The following TTC28 variants were observed in gnomAD, a reference collection of about 807,000 sequenced individuals.
TTC28 encodes tetratricopeptide repeat domain 28, also known as tetratricopeptide repeat protein 28.
TTC28 carries 61 observed loss-of-function variants against 198.0 expected under a neutral mutation model. The observed-to-expected ratio is 0.31, with a 90% CI of 0.25 to 0.38. TTC28 has a LOEUF of 0.38. Ranked by LOEUF, TTC28 falls within the 10% of genes least tolerant of loss-of-function variation. TTC28 has a pLI of 1.00. For missense variants in TTC28, 2,678 were observed against 3,164.0 expected (o/e 0.85, Z 3.69); for synonymous variants, 1,171 against 1,297.8 (o/e 0.90, Z 2.10).
intron 1 of TTC28, among the ~76,000 whole-genome samples, chr22:28,654,685 C>T (rs2051616522): frequency 6.6e-6 from 1 of 152,154 alleles, no homozygotes; most frequent in East Asian, 1.9e-4. Context: ...TGTGAAGTGT[C>T]ATCTTACATC....
intron 2 of TTC28, among the ~76,000 whole-genome samples, chr22:28,420,205 T>C (rs2047226959): frequency 6.6e-6 from 1 of 152,168 alleles, no homozygotes; most frequent in Admixed American, 6.5e-5. Flanking sequence ...TCTTGAGTAA[T>C]AAACACGCCT....
chr22:28,507,337 A>G (rs890332658), intron 2 of TTC28, among the ~76,000 whole-genome samples: 1 of 152,230 alleles, frequency 6.6e-6, no homozygotes, highest in African/African-American at 2.4e-5. Context: ...TCTTTCGGAA[A>G]TAAGACAGGC....
chr22:28,030,143 A>C, intron 13 of TTC28, 83 bp downstream of exon 13: 1 of 1,500,076 alleles, frequency 6.7e-7, no homozygotes, highest in South Asian at 1.3e-5. Flanking sequence ...AACCAGCTGG[A>C]AGGAGCATCC....
At chr22:28,457,708 TTTA>T (rs1346934891) in intron 2 of TTC28, among the ~76,000 whole-genome samples, 2 of 152,186 alleles carry the variant, frequency 1.3e-5, no homozygotes, top group Non-Finnish European at 1.5e-5. Context: ...AAAATTATCC[TTTA>T]TTGTGTGGTA....
chr22:28,312,131 A>G (rs529979528), intron 2 of TTC28, among the ~76,000 whole-genome samples: 18 of 152,170 alleles, frequency 1.2e-4, no homozygotes, highest in Non-Finnish European at 1.5e-4. Flanking sequence ...CCATTACATA[A>G]TGGTAAAGGG....
chr22:28,141,558 T>C (rs1943335488), intron 6 of TTC28, among the ~76,000 whole-genome samples: 1 of 152,178 alleles, frequency 6.6e-6, no homozygotes, highest in African/African-American at 2.4e-5. Flanking sequence ...GGTGGTATGA[T>C]TATAGAATAA....
intron 12 of TTC28, among the ~76,000 whole-genome samples, chr22:28,056,751 G>T (rs1242571619): frequency 6.6e-6 from 1 of 152,164 alleles, no homozygotes; most frequent in Non-Finnish European, 1.5e-5. Context: ...AAGATTTAGA[G>T]CATTACTTTC....
intron 2 of TTC28, among the ~76,000 whole-genome samples, chr22:28,475,149 C>CAAAAAAAAAAAAAAAAAA (rs386395148): frequency 2.5e-4 from 16 of 64,988 alleles, no homozygotes; most frequent in East Asian, 4.8e-4. Context: ...GACTCCATCT[C>CAAAAAAAAAAAAAAAAAA]AAAAAAAAAA....
chr22:28,305,119 T>C (rs1030289283), intron 3 of TTC28, among the ~76,000 whole-genome samples: 1 of 152,008 alleles, frequency 6.6e-6, no homozygotes, highest in African/African-American at 2.4e-5. Context: ...GCCTCCTGAG[T>C]GGCTGGGACT....
chr22:28,243,684 G>T (rs1220552844), intron 5 of TTC28, among the ~76,000 whole-genome samples: 2 of 152,138 alleles, frequency 1.3e-5, no homozygotes, highest in Non-Finnish European at 2.9e-5. Flanking sequence ...AAGCCTCACT[G>T]CTTTAGTGGC....
intron 12 of TTC28, among the ~76,000 whole-genome samples, chr22:28,057,068 T>C (rs961693527): frequency 2.0e-5 from 3 of 152,336 alleles, no homozygotes; most frequent in Middle Eastern, 6.8e-3. Context: ...CCTTTATGAT[T>C]TGGAGGTATT....
chr22:28,520,617 G>C (rs980229918), intron 2 of TTC28, among the ~76,000 whole-genome samples: 43 of 152,260 alleles, frequency 2.8e-4, no homozygotes, highest in African/African-American at 9.9e-4. Context: ...AATCAGCCAG[G>C]CATGGTGGCA....
intron 1 of TTC28, 126 bp from the exon 2 acceptor site, chr22:28,629,956 G>T (rs1212678315): frequency 3.7e-6 from 3 of 819,454 alleles, no homozygotes; most frequent in Non-Finnish European, 5.6e-6. Flanking sequence ...TTGGAGGTGG[G>T]GCCTAATGGG....
intron 2 of TTC28, among the ~76,000 whole-genome samples, chr22:28,344,677 G>C (rs944834016): frequency 2.6e-5 from 4 of 152,072 alleles, no homozygotes; most frequent in Admixed American, 2.0e-4. Flanking sequence ...CCACTGTTAG[G>C]ATAGTAAAGT....
At chr22:28,352,366 G>A (rs2145935144) in intron 2 of TTC28, among the ~76,000 whole-genome samples, 1 of 150,298 alleles carries the variant, frequency 6.7e-6, no homozygotes, top group African/African-American at 2.5e-5. Flanking sequence ...CTTGCAGTCA[G>A]TACAGCAAAT....
At chr22:28,137,857 A>T (rs1223603845) in intron 6 of TTC28, among the ~76,000 whole-genome samples, 1 of 152,088 alleles carries the variant, frequency 6.6e-6, no homozygotes, top group Non-Finnish European at 1.5e-5. Flanking sequence ...TCTACTAAAA[A>T]TACAAAAATC....
At chr22:27,993,205 A>G in intron 18 of TTC28, 82 bp downstream of exon 18, 6 of 1,276,768 alleles carry the variant, frequency 4.7e-6, no homozygotes, top group Non-Finnish European at 6.3e-6. Context: ...CAGCATCCTC[A>G]TGAATGCGGG....
chr22:28,119,110 CT>C (rs1053905115), intron 6 of TTC28, among the ~76,000 whole-genome samples: 8 of 152,138 alleles, frequency 5.3e-5, no homozygotes, highest in African/African-American at 1.9e-4. Flanking sequence ...TGGCACAGTG[CT>C]TTATGGTTGA....
chr22:28,524,079 C>T (rs1387112922), intron 2 of TTC28, among the ~76,000 whole-genome samples: 1 of 152,056 alleles, frequency 6.6e-6, no homozygotes, highest in South Asian at 2.1e-4. Context: ...GAGTAACTCA[C>T]GATTTTACCA....
Sources: allele counts gnomAD v4.1 joint callset (sites outside exome capture counted in the v4.1 genomes callset), GRCh38; gene constraint gnomAD v4.1.1; transcripts MANE v1.5; gene names NCBI Gene and HGNC (gene_info 2026-07-23, HGNC 2026-07-21).